NLRC5: variants seen among roughly 807,000 people sequenced by gnomAD.
The protein encoded by NLRC5 is protein NLRC5.
NLRC5 carries 114 observed loss-of-function variants against 206.9 expected under a neutral mutation model. That is an observed-to-expected ratio of 0.55 (90% CI 0.47 to 0.64). The LOEUF is 0.64. Ranked by LOEUF, NLRC5 falls within the 30% of genes least tolerant of loss-of-function variation. The probability of loss-of-function intolerance (pLI) is 0.00; values close to 1 mark genes in which losing one functional copy is unlikely to be tolerated. For missense variants in NLRC5, 2,008 were observed against 2,305.5 expected, an observed-to-expected ratio of 0.87 and a Z score of 2.64; for synonymous variants, 952 against 962.8, an observed-to-expected ratio of 0.99 and a Z score of 0.21.
intron 1 of NLRC5, among the ~76,000 whole-genome samples, chr16:57,009,124 CTACCAAAAA>C (rs1295194152): frequency 7.9e-5 from 12 of 151,682 alleles, no homozygotes; most frequent in South Asian, 4.2e-4. Flanking sequence ...AACCCCGTCT[CTACCAAAAA>C]TACAAAAATT....
rs199510432 is a variant in NLRC5, at chr16:57,041,456, T to C, written c.2940-29T>C. The C allele has an allele frequency of 2.8e-5, 45 of 1,591,364 alleles. 1 individual carries two copies. In the East Asian group the frequency reaches 8.7e-4, roughly 31 times the overall value. Reference sequence around the variant, plus strand: ...CTTCCCGCCTCTGTTCAGTGGGGCATGCAGCACTGTGTTTTTGTCCCTGGG... The same window carrying C: ...CTTCCCGCCTCTGTTCAGTGGGGCACGCAGCACTGTGTTTTTGTCCCTGGG... On this transcript the variant is annotated intron_variant, in intron 17 of 48. Transcript: ENST00000688547.
chr16:57,072,209 G>C (rs1187240836), intron 38 of NLRC5, among the ~76,000 whole-genome samples: 2 of 152,040 alleles, frequency 1.3e-5, no homozygotes, highest in African/African-American at 2.4e-5. Flanking sequence ...TCTCAGGCAG[G>C]CCATCCCTGC....
chr16:57,033,598 T>C lies in NLRC5; in HGVS notation c.2478-6T>C, dbSNP rs1454523574. The stretch of plus-strand genomic sequence containing the variant: ...CCCAGGCCAATGCTTGATTTGTTCT[T>C]GCCAGAGCTCCAGACCTGCAGGAAA... On this transcript the variant is annotated splice_region_variant and splice_polypyrimidine_tract_variant and intron_variant, in intron 11 of 48. Transcript: ENST00000688547. 7 of 1,613,902 alleles carry C rather than the reference T, an allele frequency of 4.3e-6. No individual in the cohort carries two copies. The African/African-American group carries it at 9.3e-5, about 22-fold the overall frequency.
chr16:57,031,505 A>G (rs2061884065), intron 11 of NLRC5, 42 bp downstream of exon 11: 2 of 1,605,578 alleles, frequency 1.2e-6, no homozygotes, highest in South Asian at 1.1e-5. Flanking sequence ...CATCCTTAGA[A>G]GCAACTTGGG....
intron 38 of NLRC5, among the ~76,000 whole-genome samples, chr16:57,072,771 C>T (rs2067938894): frequency 6.6e-6 from 1 of 152,104 alleles, no homozygotes; most frequent in Non-Finnish European, 1.5e-5. Flanking sequence ...GGGATGACAC[C>T]CCCTGAGAAA....
intron 34 of NLRC5, among the ~76,000 whole-genome samples, chr16:57,067,007 C>T (rs1365391597): frequency 6.6e-6 from 1 of 152,224 alleles, no homozygotes; most frequent in Admixed American, 6.5e-5. Flanking sequence ...CAAACACTTC[C>T]ATTATCCACT....
At chr16:56,994,050 G>A (rs543448518) in intron 1 of NLRC5, among the ~76,000 whole-genome samples, 1 of 152,202 alleles carries the variant, frequency 6.6e-6, no homozygotes, top group South Asian at 2.1e-4. Flanking sequence ...ATACGTTTGG[G>A]AAAATACTTC....
Position 57,041,572 on chromosome 16 carries a change from C to T in NLRC5, c.3027C>T (p.Leu1009=), listed in dbSNP as rs1379843387. Residue 1009 remains leucine (L), a splice_region_variant and synonymous_variant, in exon 18 of 49, where the codon CTC becomes CTT. Coordinates refer to ENST00000688547, the MANE Select transcript of NLRC5 (RefSeq NM_001384950.1). ...GGSCHLGHLH[L]DFSGNALGDE... is the part of the protein sequence containing the mutation. ...GCTGCCACCTCGGTCACCTCCACCT[C>T]GAGTGAGTGGTTTGTGTGTTGGAAG... The T allele has an allele frequency of 5.6e-6, 9 of 1,613,658 alleles. No homozygotes were observed. The highest frequency in any genetic ancestry group is 2.7e-5 in the African/African-American group (2 of 74,998).
rs567004809 is a variant in NLRC5, at chr16:57,061,624, C to T, written c.4077C>T (p.Thr1359=). Residue 1359 remains threonine (T), a synonymous_variant, in exon 32 of 49, where the codon ACC becomes ACT. Transcript: ENST00000688547. ...KSLQLTELTL[T]QCCLGQKQLA... is the part of the protein sequence containing the mutation. Reference sequence around the variant, plus strand: ...GACTGACCTCTGTCTCCAGGCTGACCCAGTGCTGCCTGGGCCAGAAGCAGC... The same window carrying T: ...GACTGACCTCTGTCTCCAGGCTGACTCAGTGCTGCCTGGGCCAGAAGCAGC... 2.5e-6 allele frequency: 4 copies of T among 1,610,174 alleles called. No homozygotes were observed. Among genetic ancestry groups the T allele is most frequent in the African/African-American group, 1.3e-5 (1 of 74,938 alleles).
At position 56,995,918 on chromosome 16, in the gene NLRC5, G is replaced by T. The variant is rs142121120; in HGVS notation, c.-128+6301G>T. On this transcript the variant is annotated intron_variant, in intron 1 of 48. Transcript: ENST00000688547. ...AGGAGTTCACAAGAGGATTTTAGGA[G>T]GTATGTGGAGAGGGCATCCGATTCC... 6.9e-3 allele frequency among the ~76,000 whole-genome samples: 1,052 copies of T among 152,324 alleles called. 23 individuals are homozygous for T. Among genetic ancestry groups the T allele is most frequent in the African/African-American group, 0.023 (973 of 41,566 alleles).
intron 1 of NLRC5, among the ~76,000 whole-genome samples, chr16:57,007,510 G>A (rs2059045453): frequency 6.6e-6 from 1 of 151,988 alleles, no homozygotes; most frequent in South Asian, 2.1e-4. Context: ...ATCACCTGAG[G>A]TCAGAAGTTC....
chr16:57,027,328 T>C (rs2061357536), intron 6 of NLRC5, among the ~76,000 whole-genome samples: 1 of 152,182 alleles, frequency 6.6e-6, no homozygotes. Context: ...ATGCACACTG[T>C]CTAGGCCAGA....
intron 10 of NLRC5, 48 bp downstream of exon 10, chr16:57,030,132 G>A (rs1258854427): frequency 2.7e-6 from 4 of 1,490,018 alleles, no homozygotes; most frequent in Non-Finnish European, 3.7e-6. Flanking sequence ...TGAGAAAAGA[G>A]GAGGGGAAAG....
At chr16:57,041,075 C>T (rs1173973438) in intron 17 of NLRC5, among the ~76,000 whole-genome samples, 1 of 152,202 alleles carries the variant, frequency 6.6e-6, no homozygotes, top group Non-Finnish European at 1.5e-5. Flanking sequence ...CTCCCATCAG[C>T]ACTCTTCCCC....
At chr16:56,993,952 C>A (rs2057278638) in intron 1 of NLRC5, among the ~76,000 whole-genome samples, 1 of 137,870 alleles carries the variant, frequency 7.3e-6, no homozygotes, top group Non-Finnish European at 1.5e-5. Context: ...GGGATGTTTT[C>A]CCTGTTTTTT....
At chr16:57,035,430 G>A (rs2062429160) in intron 13 of NLRC5, among the ~76,000 whole-genome samples, 1 of 151,994 alleles carries the variant, frequency 6.6e-6, no homozygotes, top group Non-Finnish European at 1.5e-5. Flanking sequence ...AGGTGGTCCA[G>A]AACCCTGCCC....
intron 2 of NLRC5, among the ~76,000 whole-genome samples, chr16:57,019,603 C>T (rs1206941854): frequency 6.6e-6 from 1 of 152,206 alleles, no homozygotes; most frequent in Admixed American, 6.5e-5. Context: ...TACCTTCCAC[C>T]TTCCTCAGTA....
intron 1 of NLRC5, among the ~76,000 whole-genome samples, chr16:57,009,488 G>A (rs1051392445): frequency 6.6e-6 from 1 of 151,782 alleles, no homozygotes; most frequent in Non-Finnish European, 1.5e-5. Context: ...AGCTACTCGG[G>A]AGGCTGAGGA....
chr16:57,034,194 A>G lies in NLRC5; in HGVS notation c.2570A>G (p.His857Arg), dbSNP rs3995818. 67,307 of 1,613,766 alleles carry G rather than the reference A, an allele frequency of 0.042. 10,569 individuals carry two copies. In the East Asian group the frequency reaches 0.56, roughly 13 times the overall value. The change falls in exon 13 of 49, where the codon CAC becomes CGC. Residue 857 changes from histidine to arginine, a missense_variant. His to Arg is a conservative substitution (Grantham distance 29). Transcript: ENST00000688547. ...CTGCAGAAGTGTCAGCTCCAGGTCC[A>G]CGATGCGGAGGCCCTCATAGCCCTG... ...LRLQKCQLQV[H>R]DAEALIALLQ... is the part of the protein sequence containing the mutation.
Sources: allele counts gnomAD v4.1 joint callset (sites outside exome capture counted in the v4.1 genomes callset), GRCh38; gene constraint gnomAD v4.1.1; transcripts MANE v1.5; gene names NCBI Gene and HGNC (gene_info 2026-07-23, HGNC 2026-07-21).